PRKN: variants seen among roughly 807,000 people sequenced by gnomAD.
PRKN encodes the protein parkin RBR E3 ubiquitin protein ligase, also known as E3 ubiquitin-protein ligase parkin.
A neutral mutation model predicts 59.5 loss-of-function variants in PRKN; 56 were observed. The ratio of observed to expected loss-of-function variants is 0.94; its 90% confidence interval spans 0.76 to 1.18. PRKN has a LOEUF of 1.18. PRKN is among the 50% of genes most tolerant of loss of function. The pLI, the probability that PRKN is intolerant of heterozygous loss-of-function variation, is 0.00. For synonymous variants in PRKN, 250 were observed against 222.1 expected (o/e 1.13, Z -1.12); for missense variants, 657 against 596.4 (o/e 1.10, Z -1.06).
At chr6:161,506,947 TGAG>T (rs1292993700) in intron 9 of PRKN, among the ~76,000 whole-genome samples, 1 of 152,034 alleles carries the variant, frequency 6.6e-6, no homozygotes, top group African/African-American at 2.4e-5. Flanking sequence ...CACAGGAGGC[TGAG>T]GAGGGGCATT....
At chr6:161,535,324 A>G (rs143740242) in intron 9 of PRKN, among the ~76,000 whole-genome samples, 31 of 152,326 alleles carry the variant, frequency 2.0e-4, no homozygotes, top group Middle Eastern at 6.8e-3. Context: ...TTGTTACAAA[A>G]AAAGATAACC....
At chr6:161,709,911 G>C (rs1365683078) in intron 7 of PRKN, among the ~76,000 whole-genome samples, 1 of 152,044 alleles carries the variant, frequency 6.6e-6, no homozygotes, top group African/African-American at 2.4e-5. Context: ...TATTTTTGTA[G>C]AAACGCAAAT....
intron 1 of PRKN, among the ~76,000 whole-genome samples, chr6:162,524,353 T>C (rs1449452227): frequency 6.6e-6 from 1 of 152,170 alleles, no homozygotes; most frequent in Admixed American, 6.6e-5. Context: ...ATTCTTATCA[T>C]TTGGAGGAGT....
chr6:162,676,175 T>C (rs1779536263), intron 1 of PRKN, among the ~76,000 whole-genome samples: 1 of 152,148 alleles, frequency 6.6e-6, no homozygotes, highest in South Asian at 2.1e-4. Flanking sequence ...AGTAAGGAAG[T>C]TGTGGATTCT....
intron 2 of PRKN, among the ~76,000 whole-genome samples, chr6:162,375,485 A>G (rs796836532): frequency 2.6e-5 from 4 of 151,804 alleles, no homozygotes; most frequent in African/African-American, 9.7e-5. Flanking sequence ...TGTGTCATAG[A>G]CTGCATGGAG....
intron 1 of PRKN, among the ~76,000 whole-genome samples, chr6:162,633,997 A>T (rs1777615599): frequency 6.6e-6 from 1 of 152,202 alleles, no homozygotes; most frequent in African/African-American, 2.4e-5. Flanking sequence ...CATGAAAAAT[A>T]TACCACACGG....
intron 1 of PRKN, among the ~76,000 whole-genome samples, chr6:162,704,009 T>C (rs114864298): frequency 2.0e-3 from 312 of 152,280 alleles, no homozygotes; most frequent in African/African-American, 7.2e-3. Context: ...GCTTTGTAAT[T>C]AAGCGCCTTA....
intron 9 of PRKN, among the ~76,000 whole-genome samples, chr6:161,411,813 C>CCACTCATTCATTCCTCCACT (rs1787555960): frequency 2.0e-5 from 3 of 150,480 alleles, no homozygotes; most frequent in Non-Finnish European, 4.4e-5. Flanking sequence ...ACTCATTCCT[C>CCACTCATTCATTCCTCCACT]CACTCATTCA....
intron 7 of PRKN, among the ~76,000 whole-genome samples, chr6:161,727,781 T>A (rs1286056192): frequency 6.6e-6 from 1 of 152,212 alleles, no homozygotes; most frequent in Non-Finnish European, 1.5e-5. Context: ...CAGTAAAGGC[T>A]GTCACTATGC....
At chr6:162,234,874 T>C (rs1355829112) in intron 3 of PRKN, among the ~76,000 whole-genome samples, 1 of 152,138 alleles carries the variant, frequency 6.6e-6, no homozygotes, top group African/African-American at 2.4e-5. Flanking sequence ...ATCGGCACAA[T>C]GTGCCTCCAG....
intron 2 of PRKN, among the ~76,000 whole-genome samples, chr6:162,284,143 C>A (rs1351281176): frequency 1.3e-5 from 2 of 151,256 alleles, no homozygotes; most frequent in African/African-American, 4.9e-5. Flanking sequence ...GGCCCAGGAT[C>A]CACTAATGTA....
At chr6:162,704,797 G>A (rs1040892446) in intron 1 of PRKN, among the ~76,000 whole-genome samples, 9 of 152,014 alleles carry the variant, frequency 5.9e-5, no homozygotes, top group Admixed American at 2.0e-4. Context: ...ACACACAGCA[G>A]GTGTGCCCGA....
intron 1 of PRKN, among the ~76,000 whole-genome samples, chr6:162,532,568 T>G (rs1053199167): frequency 3.3e-5 from 5 of 152,192 alleles, no homozygotes; most frequent in Admixed American, 1.3e-4. Flanking sequence ...TGTTTTTATC[T>G]CTGTGTCCTA....
chr6:162,566,306 A>T (rs1333239532), intron 1 of PRKN, among the ~76,000 whole-genome samples: 3 of 142,014 alleles, frequency 2.1e-5, no homozygotes, highest in Non-Finnish European at 3.0e-5. Flanking sequence ...GAAATAAATA[A>T]ATTGAAATGA....
intron 1 of PRKN, among the ~76,000 whole-genome samples, chr6:162,487,287 G>A (rs539361995): frequency 1.3e-5 from 2 of 152,162 alleles, no homozygotes; most frequent in South Asian, 4.2e-4. Context: ...CAGCCTCTGC[G>A]TTTTCATTCT....
At chr6:162,430,432 C>T (rs1789462506) in intron 2 of PRKN, among the ~76,000 whole-genome samples, 2 of 152,134 alleles carry the variant, frequency 1.3e-5, no homozygotes, top group African/African-American at 4.8e-5. Flanking sequence ...TGCACTATGA[C>T]TTGTGGACAT....
intron 6 of PRKN, among the ~76,000 whole-genome samples, chr6:161,956,125 T>C (rs1562416963): frequency 6.6e-6 from 1 of 152,208 alleles, no homozygotes; most frequent in Non-Finnish European, 1.5e-5. Context: ...TCAAGTTTTA[T>C]CTCTTGTAAT....
intron 2 of PRKN, among the ~76,000 whole-genome samples, chr6:162,440,830 A>G (rs1030431724): frequency 2.6e-5 from 4 of 152,028 alleles, no homozygotes; most frequent in South Asian, 2.1e-4. Flanking sequence ...ACCTGTAATG[A>G]TAATGGGTAA....
intron 4 of PRKN, among the ~76,000 whole-genome samples, chr6:162,077,837 T>TA (rs1778892211): frequency 1.3e-5 from 2 of 151,746 alleles, no homozygotes; most frequent in Admixed American, 6.6e-5. Context: ...CTGTCTCTAC[T>TA]AAAAATACAA....
Sources: gnomAD v4.1 joint callset for allele counts (sites outside exome capture counted in the v4.1 genomes callset) on GRCh38, gnomAD v4.1.1 for gene constraint, MANE v1.5 for transcripts, NCBI Gene and HGNC (gene_info 2026-07-23, HGNC 2026-07-21) for gene names.